COL5A2: variants seen among roughly 807,000 people sequenced by gnomAD.
The protein encoded by COL5A2 is collagen alpha-2(V) chain.
Under a neutral mutation model 208.2 loss-of-function variants are expected in COL5A2, and 23 were observed. The observed-to-expected ratio is 0.11, with a 90% CI of 0.08 to 0.16. The LOEUF is 0.16. COL5A2 is among the 10% of genes least tolerant of loss of function. The probability of loss-of-function intolerance (pLI) is 1.00; values close to 1 mark genes in which losing one functional copy is unlikely to be tolerated. For synonymous variants in COL5A2, 625 were observed against 628.5 expected (o/e 0.99, Z 0.08); for missense variants, 1,590 against 1,956.4 (o/e 0.81, Z 3.53).
chr2:189,391,893 A>C, the COL5A2 span, among the ~76,000 whole-genome samples: 1 of 152,062 alleles, frequency 6.6e-6, no homozygotes, highest in Non-Finnish European at 1.5e-5. Context: ...TTTTCCTTAC[A>C]CTAACTGTGC....
At chr2:189,374,835 T>C in the COL5A2 span, among the ~76,000 whole-genome samples, 2 of 152,186 alleles carry the variant, frequency 1.3e-5, no homozygotes, top group Non-Finnish European at 2.9e-5. Context: ...TATAATTGTT[T>C]ACATATTTTC....
chr2:189,039,710 G>A lies in COL5A2; in HGVS notation c.3634-147C>T, dbSNP rs547346296. The A allele has an allele frequency of 8.9e-4, 626 of 705,510 alleles. 14 individuals are homozygous for A. In the South Asian group the frequency reaches 0.012, roughly 13 times the overall value. 43.7% of individuals were successfully genotyped at this position (705,510 alleles called of 1,614,324 possible). On this transcript the variant is annotated intron_variant, in intron 50 of 53. Coordinates refer to ENST00000374866, the MANE Select transcript of COL5A2 (RefSeq NM_000393.5). ...GACTCGCGCCCTTTTGTAACTAGATGGGGGTGGTCTAACAGGCTGTAACAT... is the reference window on the plus strand; with the variant it reads ...GACTCGCGCCCTTTTGTAACTAGATAGGGGTGGTCTAACAGGCTGTAACAT...
intron 1 of COL5A2, among the ~76,000 whole-genome samples, chr2:189,121,396 T>C (rs1299501692): frequency 6.6e-6 from 1 of 152,038 alleles, no homozygotes; most frequent in Non-Finnish European, 1.5e-5. Context: ...CTCTCAACCA[T>C]GACTCTGATT....
upstream of COL5A2, among the ~76,000 whole-genome samples, chr2:189,183,415 T>C (rs748262538): frequency 6.8e-4 from 103 of 152,302 alleles, no homozygotes; most frequent in Non-Finnish European, 3.8e-4. Context: ...ATATTAACTA[T>C]TAAATTAAAT....
chr2:189,181,928 G>A (rs769465340), upstream of COL5A2, among the ~76,000 whole-genome samples: 10 of 152,200 alleles, frequency 6.6e-5, no homozygotes, highest in Non-Finnish European at 1.3e-4. Flanking sequence ...TGGTATGACA[G>A]AAGCATAGCA....
chr2:189,413,032 G>T, the COL5A2 span, among the ~76,000 whole-genome samples: 1 of 152,056 alleles, frequency 6.6e-6, no homozygotes, highest in East Asian at 1.9e-4. Flanking sequence ...TTTAGGTAGA[G>T]GTAACATTAA....
chr2:189,401,839 T>A, the COL5A2 span, among the ~76,000 whole-genome samples: 1 of 152,206 alleles, frequency 6.6e-6, no homozygotes, highest in Non-Finnish European at 1.5e-5. Context: ...GAGCTTTTTT[T>A]CATGTTTGTT....
At chr2:189,225,571 G>A (rs189741565), upstream of COL5A2, among the ~76,000 whole-genome samples, 1 of 152,056 alleles carries the variant, frequency 6.6e-6, no homozygotes, top group East Asian at 1.9e-4. Context: ...TCTGGTGAGG[G>A]CCTGTTTCAT....
the COL5A2 span, among the ~76,000 whole-genome samples, chr2:189,337,951 T>C: frequency 6.6e-6 from 1 of 152,234 alleles, no homozygotes; most frequent in Non-Finnish European, 1.5e-5. Context: ...TAGTCAACTG[T>C]TGTTCTTAAG....
At chr2:189,437,224 G>A in the COL5A2 span, among the ~76,000 whole-genome samples, 13 of 152,288 alleles carry the variant, frequency 8.5e-5, no homozygotes, top group Admixed American at 3.9e-4. Context: ...CATCAAGCAC[G>A]TGGCTGGCCC....
rs1685347660 is a variant in COL5A2 at position 189,032,103 on chromosome 2, TAAG to T, written c.*1964_*1966del. ...ATTTAGGCATATAAATACTCAAATT[TAAG>T]ATATACAGGTCAAAATATAACCAGT... On this transcript the variant is annotated 3_prime_UTR_variant, in exon 54 of 54. Transcript: ENST00000374866. The T allele has an allele frequency of 6.6e-6, 1 of 152,138 alleles. No individual in the cohort carries two copies. Among genetic ancestry groups the T allele is most frequent in the South Asian group, 2.1e-4 (1 of 4,836 alleles). 9.4% of individuals were successfully genotyped at this position (152,138 alleles called of 1,614,324 possible). A position where few individuals can be genotyped will look rare whatever the true frequency, so the allele number is the denominator to read the frequency against.
intron 6 of COL5A2, among the ~76,000 whole-genome samples, chr2:189,092,732 T>C (rs1312865078): frequency 6.6e-6 from 1 of 152,180 alleles, no homozygotes; most frequent in Non-Finnish European, 1.5e-5. Flanking sequence ...CCTTATTTGA[T>C]TGAGTTTTTG....
chr2:189,284,220 C>G, the COL5A2 span, among the ~76,000 whole-genome samples: 1 of 152,102 alleles, frequency 6.6e-6, no homozygotes, highest in African/African-American at 2.4e-5. Flanking sequence ...ATCAAATATT[C>G]CTAATCAATG....
intron 1 of COL5A2, among the ~76,000 whole-genome samples, chr2:189,146,580 G>GA (rs1341858512): frequency 6.6e-6 from 1 of 151,954 alleles, no homozygotes; most frequent in East Asian, 1.9e-4. Flanking sequence ...CATTTGGCAA[G>GA]AAAAAAGGAA....
chr2:189,107,204 G>A (rs1213819838), intron 2 of COL5A2, among the ~76,000 whole-genome samples: 1 of 151,454 alleles, frequency 6.6e-6, no homozygotes, highest in Non-Finnish European at 1.5e-5. Context: ...ACCTGGACTT[G>A]CTGCTTTGGG....
chr2:189,309,026 C>G, the COL5A2 span, among the ~76,000 whole-genome samples: 1 of 152,186 alleles, frequency 6.6e-6, no homozygotes, highest in Non-Finnish European at 1.5e-5. Context: ...TTTGGTGACT[C>G]TCTTGGGCAG....
chr2:189,326,055 C>G, the COL5A2 span, among the ~76,000 whole-genome samples: 40 of 148,174 alleles, frequency 2.7e-4, no homozygotes, highest in Non-Finnish European at 4.9e-4. Flanking sequence ...CAAGATGGCG[C>G]CACTGCACTC....
At chr2:189,063,494 C>T (rs1686079874) in intron 26 of COL5A2, among the ~76,000 whole-genome samples, 3 of 152,184 alleles carry the variant, frequency 2.0e-5, no homozygotes. Flanking sequence ...TGAGCTTCCT[C>T]ATGATGTCTC....
chr2:189,148,766 C>A (rs901552873), intron 1 of COL5A2, among the ~76,000 whole-genome samples: 3 of 152,074 alleles, frequency 2.0e-5, no homozygotes, highest in Admixed American at 1.3e-4. Flanking sequence ...CAGACCATAG[C>A]CTTAACCAAA....
Sources: gnomAD v4.1 joint callset for allele counts (sites outside exome capture counted in the v4.1 genomes callset) on GRCh38, gnomAD v4.1.1 for gene constraint, MANE v1.5 for transcripts, NCBI Gene and HGNC (gene_info 2026-07-23, HGNC 2026-07-21) for gene names.